CCDC30: variants seen among roughly 807,000 people sequenced by gnomAD.
CCDC30 encodes the protein coiled-coil domain containing 30, also known as coiled-coil domain-containing protein 30.
A neutral mutation model predicts 100.2 loss-of-function variants in CCDC30; 70 were observed. The ratio of observed to expected loss-of-function variants is 0.70; its 90% CI spans 0.58 to 0.85. The LOEUF (loss-of-function observed/expected upper bound fraction) is 0.85, where lower values mean the gene tolerates loss of function less well. Ranked by LOEUF, CCDC30 falls within the 40% of genes least tolerant of loss-of-function variation. CCDC30 has a pLI of 0.00. For synonymous variants in CCDC30, 233 were observed against 269.5 expected, an observed-to-expected ratio of 0.86 and a Z score of 1.33; for missense variants, 652 against 771.2, an observed-to-expected ratio of 0.85 and a Z score of 1.83.
intron 1 of CCDC30, among the ~76,000 whole-genome samples, chr1:42,475,863 CA>C (rs1176217969): frequency 6.6e-6 from 1 of 151,532 alleles, no homozygotes; most frequent in Non-Finnish European, 1.5e-5. Flanking sequence ...TTAGGGGAGG[CA>C]AAACTTTACC....
exon 3 of CCDC30, chr1:42,482,751 C>T: frequency 8.1e-7 from 1 of 1,233,950 alleles, no homozygotes; most frequent in Non-Finnish European, 1.0e-6. Context: ...TTAGGGGTGG[C>T]TCATGAAGAG....
At chr1:42,493,060 T>C (rs1257415044) in intron 4 of CCDC30, among the ~76,000 whole-genome samples, 1 of 152,166 alleles carries the variant, frequency 6.6e-6, no homozygotes, top group Non-Finnish European at 1.5e-5. Flanking sequence ...TTCTGTGACA[T>C]AGCTAAATCA....
In CCDC30 at chr1:42,556,150, A is replaced by G. The variant is rs368442063; in HGVS notation, c.457-10146A>G. 6.2e-7 allele frequency: 1 copy of G among 1,603,648 alleles called. No homozygotes were observed. Among genetic ancestry groups the G allele is most frequent in the African/African-American group, 1.4e-5 (1 of 73,854 alleles). Reference sequence around the variant, plus strand: ...TGATAGATTTTATTCTTATATTTGCACCAAGTCCCAAATTAGGAGAAAGAA... The same window carrying G: ...TGATAGATTTTATTCTTATATTTGCGCCAAGTCCCAAATTAGGAGAAAGAA... On this transcript the variant is annotated intron_variant, in intron 6 of 16. Transcript: ENST00000668663.
chr1:42,642,391 C>A, intron 12 of CCDC30, 82 bp from the exon 17 acceptor site: 1 of 1,260,540 alleles, frequency 7.9e-7, no homozygotes, highest in Non-Finnish European at 1.0e-6. Flanking sequence ...AAAATTTCTG[C>A]TAGATTTAGA....
At chr1:42,456,231 C>T in the CCDC30 span, 2 of 609,644 alleles carry the variant, frequency 3.3e-6, no homozygotes, top group Non-Finnish European at 5.8e-6. Context: ...CGAGAAACGA[C>T]TCCCAAGGAG....
At chr1:42,520,564 T>C (rs553824388) in intron 6 of CCDC30, among the ~76,000 whole-genome samples, 2 of 151,178 alleles carry the variant, frequency 1.3e-5, no homozygotes, top group Admixed American at 1.3e-4. Flanking sequence ...ACTCCTGACC[T>C]CGTGATCTGC....
At chr1:42,593,950 G>A (rs368753266) in intron 10 of CCDC30, 1 of 152,150 alleles carries the variant, frequency 6.6e-6, no homozygotes, top group East Asian at 1.9e-4. Context: ...TTAGAAGAGT[G>A]GGGTCATGTT....
At chr1:42,537,557 G>A (rs9803697) in intron 6 of CCDC30, 129,406 of 328,750 alleles carry the variant, frequency 0.39, 26,801 homozygotes, top group East Asian at 0.59. Context: ...CTCCTCTCCT[G>A]AAGTAAATTT....
intron 6 of CCDC30, chr1:42,537,697 C>T (rs1171708827): frequency 2.8e-5 from 5 of 175,540 alleles, no homozygotes; most frequent in South Asian, 1.2e-4. Flanking sequence ...AGGTTGGGCA[C>T]GGTGGCTCAC....
intron 6 of CCDC30, among the ~76,000 whole-genome samples, chr1:42,533,052 C>T (rs1051895779): frequency 1.1e-4 from 17 of 152,348 alleles, no homozygotes; most frequent in Middle Eastern, 3.4e-3. Flanking sequence ...CCACCTTGCC[C>T]GGCCAAAAGC....
intron 11 of CCDC30, among the ~76,000 whole-genome samples, chr1:42,635,249 T>G (rs1351566425): frequency 6.6e-6 from 1 of 152,028 alleles, no homozygotes; most frequent in Non-Finnish European, 1.5e-5. Flanking sequence ...TTTCATCATG[T>G]TGGCCAGGCT....
chr1:42,511,703 G>C (rs1250426275), intron 6 of CCDC30, among the ~76,000 whole-genome samples: 3 of 152,084 alleles, frequency 2.0e-5, no homozygotes, highest in Admixed American at 1.3e-4. Flanking sequence ...GTGCAAAAAG[G>C]GAGGAGAATT....
chr1:42,595,139 G>A (rs1175485456), intron 10 of CCDC30: 1 of 151,960 alleles, frequency 6.6e-6, no homozygotes. Flanking sequence ...TTGGTCAGAA[G>A]CAATATTTTT....
intron 10 of CCDC30, among the ~76,000 whole-genome samples, chr1:42,609,705 A>G (rs1646579505): frequency 6.6e-6 from 1 of 152,200 alleles, no homozygotes; most frequent in African/African-American, 2.4e-5. Context: ...TGGTGGTGGT[A>G]TAGAGGTGGG....
chr1:42,561,347 G>A (rs528483113), intron 6 of CCDC30, among the ~76,000 whole-genome samples: 3 of 152,160 alleles, frequency 2.0e-5, no homozygotes, highest in Non-Finnish European at 4.4e-5. Context: ...CGGAACCAAA[G>A]ACAAAAACAC....
chr1:42,481,143 T>G (rs1049888126), intron 2 of CCDC30, among the ~76,000 whole-genome samples: 2 of 150,924 alleles, frequency 1.3e-5, no homozygotes, highest in Admixed American at 1.3e-4. Flanking sequence ...GCTGTAAGAA[T>G]TATCAAATTA....
At chr1:42,487,526 C>A (rs995173442) in intron 3 of CCDC30, among the ~76,000 whole-genome samples, 1 of 152,146 alleles carries the variant, frequency 6.6e-6, no homozygotes, top group Non-Finnish European at 1.5e-5. Context: ...GGGAGATTAT[C>A]TTACTTGAGC....
intron 3 of CCDC30, among the ~76,000 whole-genome samples, chr1:42,484,803 A>G (rs1244186887): frequency 5.3e-5 from 8 of 152,190 alleles, no homozygotes; most frequent in Admixed American, 5.2e-4. Flanking sequence ...GATGAAAATG[A>G]AAAATTTTTT....
At chr1:42,646,038 A>C in intron 14 of CCDC30, 97 bp from the exon 19 acceptor site, 1 of 1,444,684 alleles carries the variant, frequency 6.9e-7, no homozygotes, top group African/African-American at 1.4e-5. Context: ...GAACTATAGC[A>C]CATCAAACTC....
Sources: gnomAD v4.1 joint callset for allele counts (sites outside exome capture counted in the v4.1 genomes callset) on GRCh38, gnomAD v4.1.1 for gene constraint, MANE v1.5 for transcripts, NCBI Gene and HGNC (gene_info 2026-07-23, HGNC 2026-07-21) for gene names.